The following IGDCC3 variants were observed in gnomAD, a reference collection of about 807,000 sequenced individuals.
IGDCC3 encodes putative neuronal cell adhesion molecule.
Under a neutral mutation model 72.0 loss-of-function variants are expected in IGDCC3, and 47 were observed. That is an observed-to-expected ratio of 0.65 (90% CI 0.52 to 0.83). The LOEUF is 0.83. IGDCC3 is among the 40% of genes least tolerant of loss of function. The pLI, the probability that IGDCC3 is intolerant of heterozygous loss-of-function variation, is 0.00. For synonymous variants in IGDCC3, 477 were observed against 472.8 expected (o/e 1.01, Z -0.11); for missense variants, 1,038 against 1,091.3 (o/e 0.95, Z 0.69).
chr15:65,345,558 G>GCACACACA lies in IGDCC3; in HGVS notation c.410-9610_410-9603dup, dbSNP rs139591852. On this transcript the variant is annotated intron_variant, in intron 2 of 13. Transcript: ENST00000327987. ...AACAGAGTGAGACCCTGTCTCACACGCACACACACACACACACACACGCAC... is the reference window on the plus strand; with the variant it reads ...AACAGAGTGAGACCCTGTCTCACACGCACACACACACACACACACACACACACACGCAC... 8.9e-5 allele frequency among the ~76,000 whole-genome samples: 13 copies of GCACACACA among 145,842 alleles called. 1 individual carries two copies. The East Asian group carries it at 1.0e-3, about 11-fold the overall frequency.
At chr15:65,334,185 G>T (rs112389355) in intron 5 of IGDCC3, among the ~76,000 whole-genome samples, 1,943 of 151,908 alleles carry the variant, frequency 0.013, 22 homozygotes, top group Non-Finnish European at 0.021. Flanking sequence ...TTTCCTTCCC[G>T]AGTGACCTTT....
chr15:65,333,553 C>A, intron 5 of IGDCC3, 138 bp from the exon 6 acceptor site: 2 of 758,958 alleles, frequency 2.6e-6, no homozygotes. Context: ...CCCTTCCCTC[C>A]TAGGCACCTT....
chr15:65,361,629 T>TGTGTCACTACAC (rs201629295), intron 2 of IGDCC3, among the ~76,000 whole-genome samples: 70,329 of 151,256 alleles, frequency 0.46, 16,892 homozygotes, highest in African/African-American at 0.6. Context: ...CACAGCAGCC[T>TGTGTCACTACAC]AGAAGAGTAG....
chr15:65,329,154 GA>G lies in IGDCC3; in HGVS notation c.2206-7del. On this transcript the variant is annotated splice_region_variant and splice_polypyrimidine_tract_variant and intron_variant, in intron 13 of 13. Transcript: ENST00000327987. The surrounding 1 kb of genome is among the most constrained non-coding windows in gnomAD (Gnocchi z 4.1). ...GCGGGGGCTGCAGGATCCTGCTGGG[GA>G]AAGAGCCCGTCACACAGGCGTCAGC... is the stretch of plus-strand genomic sequence containing the variant. 2 of 1,600,826 alleles carry G rather than the reference GA, an allele frequency of 1.2e-6. No individual in the cohort carries two copies. Among genetic ancestry groups the G allele is most frequent in the South Asian group, 2.2e-5 (2 of 89,360 alleles).
At position 65,333,397 on chromosome 15, in the gene IGDCC3, A is replaced by C; in HGVS notation, c.842T>G (p.Val281Gly). Residue 281 changes from valine to glycine, a missense_variant, in exon 6 of 14, where the codon GTG becomes GGG. Coordinates refer to ENST00000327987, the MANE Select transcript of IGDCC3 (RefSeq NM_004884.4). The stretch of plus-strand genomic sequence containing the variant: ...TGTGCCCAGCACCTGGATGCCCTCC[A>C]CCCCGATAGGGCGACCATCTGCAGA... Reference protein sequence around the residue: ...WSRLDGRPIGVEGIQVLGTGN... With the variant: ...WSRLDGRPIGGEGIQVLGTGN... The C allele has an allele frequency of 6.2e-7, 1 of 1,606,046 alleles. No homozygotes were observed. The highest frequency in any genetic ancestry group is 8.5e-7 in the Non-Finnish European group (1 of 1,176,126).
At position 65,328,779 on chromosome 15, in the gene IGDCC3, A is replaced by G. The variant is rs1238900894; in HGVS notation, c.*130T>C. The G allele has an allele frequency of 2.5e-6, 3 of 1,209,866 alleles. No homozygotes were observed. The East Asian group carries it at 8.4e-5, about 34-fold the overall frequency. The allele number at this position is 1,209,866 out of a possible 1,614,324, so 74.9% of individuals were successfully genotyped here. On this transcript the variant is annotated 3_prime_UTR_variant, in exon 14 of 14. Transcript: ENST00000327987. ...GGCTGCCTTGGGTTTTGACAACCCA[A>G]GAGGCAGTCAGGATAGAAATGCTGG...
intron 9 of IGDCC3, 119 bp downstream of exon 9, chr15:65,330,931 T>C: frequency 7.9e-7 from 1 of 1,259,676 alleles, no homozygotes; most frequent in Non-Finnish European, 1.1e-6. Flanking sequence ...GACTCAGCCC[T>C]GACAGCCTCA....
rs754763860 is a variant in IGDCC3 at position 65,328,940 on chromosome 15, C to CG, written c.2413dup (p.Arg805ProfsTer52). 6.4e-7 allele frequency: 1 copy of CG among 1,561,850 alleles called. No individual in the cohort carries two copies. Among genetic ancestry groups the CG allele is most frequent in the South Asian group, 1.2e-5 (1 of 82,866 alleles). ...TTCCGAGTGAGCTGGCTGGGTAACC[C>CG]GGGCCGCTGCAGGCCTGGAAGCCTG... On this transcript the variant is annotated frameshift_variant, in exon 14 of 14. Coordinates refer to ENST00000327987, the MANE Select transcript of IGDCC3 (RefSeq NM_004884.4). LOFTEE classifies it low-confidence loss of function (END_TRUNC).
chr15:65,362,830 C>T (rs1382669591), intron 2 of IGDCC3, among the ~76,000 whole-genome samples: 1 of 148,500 alleles, frequency 6.7e-6, no homozygotes, highest in African/African-American at 2.5e-5. Flanking sequence ...GGTTTTATTA[C>T]CAGCGAGGTT....
intron 2 of IGDCC3, among the ~76,000 whole-genome samples, chr15:65,341,488 A>T (rs969813837): frequency 3.3e-5 from 5 of 152,266 alleles, no homozygotes; most frequent in African/African-American, 4.8e-5. Context: ...CTATTGACAG[A>T]TGAATAAACA....
intron 2 of IGDCC3, among the ~76,000 whole-genome samples, chr15:65,343,607 G>A (rs975237996): frequency 1.3e-5 from 2 of 152,088 alleles, no homozygotes; most frequent in African/African-American, 4.8e-5. Flanking sequence ...GGCTCATTCC[G>A]GGGGTTGGAT....
intron 2 of IGDCC3, among the ~76,000 whole-genome samples, chr15:65,358,911 C>T (rs1000459287): frequency 2.0e-5 from 3 of 152,164 alleles, no homozygotes; most frequent in Non-Finnish European, 4.4e-5. Context: ...GTGCAACCTC[C>T]ACCTCCCTGG....
At chr15:65,354,620 C>T (rs1025945754) in intron 2 of IGDCC3, among the ~76,000 whole-genome samples, 3 of 152,140 alleles carry the variant, frequency 2.0e-5, no homozygotes, top group African/African-American at 7.2e-5. Context: ...ATCTCTCTAC[C>T]TCCAGCACCT....
chr15:65,329,815 C>T lies in IGDCC3; in HGVS notation c.1908G>A (p.Thr636=), dbSNP rs776783017. The change falls in exon 12 of 14, where the codon ACG becomes ACA. Residue 636 remains threonine (T), a synonymous_variant. Transcript: ENST00000327987. The surrounding 1 kb of genome is among the most constrained non-coding windows in gnomAD (Gnocchi z 4.1). ...TGCCGATGACGATGCCTGTGGTGGACGTCTGGTTGGCGGCCTCCTCCTTCC... is the reference window on the plus strand; with the variant it reads ...TGCCGATGACGATGCCTGTGGTGGATGTCTGGTTGGCGGCCTCCTCCTTCC... The part of the protein sequence containing the change: ...DCRKEEAANQ[T]STTGIVIGIH... The T allele has an allele frequency of 1.1e-5, 18 of 1,613,972 alleles. No homozygotes were observed. The East Asian group carries it at 1.8e-4, about 16-fold the overall frequency.
At chr15:65,352,776 T>A (rs1451062114) in intron 2 of IGDCC3, among the ~76,000 whole-genome samples, 1 of 152,204 alleles carries the variant, frequency 6.6e-6, no homozygotes, top group East Asian at 1.9e-4. Flanking sequence ...AGGCCAAGTA[T>A]AATAAAGCAA....
chr15:65,377,840 G>A lies in IGDCC3; in HGVS notation c.-52C>T, dbSNP rs1245413711. 7 of 1,132,976 alleles carry A rather than the reference G, an allele frequency of 6.2e-6. No homozygotes were observed. The highest frequency in any genetic ancestry group is 7.6e-6 in the Non-Finnish European group (7 of 925,400). 70.2% of individuals were successfully genotyped at this position (1,132,976 alleles called of 1,614,324 possible). A position where few individuals can be genotyped will look rare whatever the true frequency, so the allele number is the denominator to read the frequency against. ...GACGCGCGGCTCCCGGGCCTCTCGC[G>A]GCTCACAGCGTCCCGCGGGGCCGGC... On this transcript the variant is annotated 5_prime_UTR_variant, in exon 1 of 14. Transcript: ENST00000327987. The surrounding 1 kb of genome is among the most constrained non-coding windows in gnomAD (Gnocchi z 4.9).
intron 2 of IGDCC3, among the ~76,000 whole-genome samples, chr15:65,346,506 G>C (rs2091125421): frequency 6.6e-6 from 1 of 151,892 alleles, no homozygotes; most frequent in Non-Finnish European, 1.5e-5. Context: ...GCTCAGGCTG[G>C]AGTGCAATGG....
chr15:65,370,515 AAT>A (rs60597969), intron 2 of IGDCC3, among the ~76,000 whole-genome samples: 24,106 of 70,876 alleles, frequency 0.34, 2,649 homozygotes, highest in Middle Eastern at 0.47. Context: ...TCAAAAAAAA[AAT>A]ATATATATAT....
At chr15:65,363,965 C>T (rs1196070704) in intron 2 of IGDCC3, among the ~76,000 whole-genome samples, 2 of 152,180 alleles carry the variant, frequency 1.3e-5, no homozygotes, top group Admixed American at 6.5e-5. Context: ...CAAGACTTGT[C>T]TACACAGAGC....
Sources: gnomAD v4.1 joint callset for allele counts (sites outside exome capture counted in the v4.1 genomes callset) on GRCh38, gnomAD v4.1.1 for gene constraint, Gnocchi (gnomAD v3.1) non-coding constraint, MANE v1.5 for transcripts, NCBI Gene and HGNC (gene_info 2026-07-23, HGNC 2026-07-21) for gene names.